The following SMYD3 variants were observed in gnomAD, a reference collection of about 807,000 sequenced individuals.
SMYD3 encodes the protein histone-lysine N-methyltransferase SMYD3.
SMYD3 carries 36 observed loss-of-function variants against 57.7 expected under a neutral mutation model. The ratio of observed to expected loss-of-function variants is 0.62; its 90% CI spans 0.48 to 0.82. The LOEUF is 0.82. SMYD3 is among the 40% of genes least tolerant of loss of function. The pLI, the probability that SMYD3 is intolerant of heterozygous loss-of-function variation, is 0.00. For missense variants in SMYD3, 515 were observed against 538.8 expected (o/e 0.96, Z 0.44); for synonymous variants, 211 against 195.0 (o/e 1.08, Z -0.68).
chr1:245,752,020 CCCT>C (rs2045405796), intron 11 of SMYD3, among the ~76,000 whole-genome samples: 1 of 152,204 alleles, frequency 6.6e-6, no homozygotes, highest in African/African-American at 2.4e-5. Flanking sequence ...CTCCACACTG[CCCT>C]GGATCCTCCG....
intron 8 of SMYD3, among the ~76,000 whole-genome samples, chr1:245,868,607 C>A (rs896758189): frequency 6.6e-6 from 1 of 152,166 alleles, no homozygotes; most frequent in Non-Finnish European, 1.5e-5. Context: ...TGATCCTAAG[C>A]CTTTATTTGC....
chr1:245,869,993 C>T (rs2052092219), intron 8 of SMYD3, among the ~76,000 whole-genome samples: 1 of 152,202 alleles, frequency 6.6e-6, no homozygotes, highest in Non-Finnish European at 1.5e-5. Context: ...GAATGGTTTC[C>T]TGGATTGCCT....
At chr1:245,793,081 C>A (rs755883914) in intron 10 of SMYD3, among the ~76,000 whole-genome samples, 8,551 of 62,286 alleles carry the variant, frequency 0.14, 327 homozygotes, top group Middle Eastern at 0.24. Flanking sequence ...GAGGCCGAGG[C>A]GGGTGATCAC....
At chr1:246,243,709 G>C (rs1222837633) in intron 5 of SMYD3, among the ~76,000 whole-genome samples, 6 of 151,798 alleles carry the variant, frequency 4.0e-5, no homozygotes, top group African/African-American at 1.5e-4. Context: ...CAAATGTTTT[G>C]TTATGAAATC....
chr1:246,469,055 A>G (rs1365819369), intron 1 of SMYD3, among the ~76,000 whole-genome samples: 1 of 152,152 alleles, frequency 6.6e-6, no homozygotes, highest in African/African-American at 2.4e-5. Flanking sequence ...GTACCTCCAC[A>G]TTCCATCACT....
Position 246,330,469 on chromosome 1 carries a change from CA to C in SMYD3, c.394+10del. The C allele has an allele frequency of 1.3e-6, 2 of 1,570,584 alleles. No homozygotes were observed. The highest frequency in any genetic ancestry group is 1.7e-6 in the Non-Finnish European group (2 of 1,161,718). On this transcript the variant is annotated intron_variant, in intron 4 of 11. Coordinates refer to ENST00000490107, the MANE Select transcript of SMYD3 (RefSeq NM_001167740.2). ...GAAACTTTTTTAAGATGCTGATAGACAATCACTTACTTGACTCCAGATCATA... is the reference window on the plus strand; with the variant it reads ...GAAACTTTTTTAAGATGCTGATAGACATCACTTACTTGACTCCAGATCATA...
At chr1:246,370,532 A>G (rs971423505) in intron 1 of SMYD3, among the ~76,000 whole-genome samples, 11 of 152,196 alleles carry the variant, frequency 7.2e-5, no homozygotes, top group Non-Finnish European at 1.5e-4. Flanking sequence ...CCTCCTCTGC[A>G]AAGTGGGAAT....
At position 246,506,989 on chromosome 1, in the gene SMYD3, G is replaced by GCC. The variant is rs1182642267; in HGVS notation, c.164+63_164+64dup. The GCC allele has an allele frequency of 3.2e-4, 210 of 650,268 alleles. 1 individual carries two copies. The highest frequency in any genetic ancestry group is 1.4e-3 in the African/African-American group (45 of 31,608). The allele number at this position is 650,268 out of a possible 1,614,324, so 40.3% of individuals were successfully genotyped here. A position where few individuals can be genotyped will look rare whatever the true frequency, so the allele number is the denominator to read the frequency against. ...GTCCCGCGGCTGCCGGCCGCCCGAC[G>GCC]CCCCCCCCTCCCCAGCACCCCACAC... On this transcript the variant is annotated intron_variant, in intron 1 of 11. Coordinates refer to ENST00000490107, the MANE Select transcript of SMYD3 (RefSeq NM_001167740.2).
chr1:245,766,512 C>T (rs2046111225), intron 10 of SMYD3, among the ~76,000 whole-genome samples: 1 of 151,418 alleles, frequency 6.6e-6, no homozygotes, highest in Non-Finnish European at 1.5e-5. Context: ...AGGGGTCAAT[C>T]ACTTTACCTC....
At chr1:246,427,159 A>G (rs2067230818) in intron 1 of SMYD3, among the ~76,000 whole-genome samples, 1 of 152,214 alleles carries the variant, frequency 6.6e-6, no homozygotes, top group Admixed American at 6.5e-5. Context: ...GAACACACTG[A>G]GTTTTCTAAG....
At chr1:246,339,023 T>C (rs1424791280) in intron 2 of SMYD3, among the ~76,000 whole-genome samples, 2 of 140,590 alleles carry the variant, frequency 1.4e-5, no homozygotes, top group Non-Finnish European at 2.9e-5. Flanking sequence ...AACTTGTTTA[T>C]AATTGTCTGA....
rs557489205 is a variant in SMYD3, at chr1:245,870,704, A to T, written c.814-6818T>A. Among the ~76,000 whole-genome samples, 555 of 152,352 alleles carry T rather than the reference A, an allele frequency of 3.6e-3. 5 individuals are homozygous for T. The highest frequency in any genetic ancestry group is 0.013 in the African/African-American group (528 of 41,586). ...GCTTCCTTTGGGTTTCGGAGTGGGAAGTTTACCTGCCAGATACCAGTAGTC... is the reference window on the plus strand; with the variant it reads ...GCTTCCTTTGGGTTTCGGAGTGGGATGTTTACCTGCCAGATACCAGTAGTC... On this transcript the variant is annotated intron_variant, in intron 8 of 11. Transcript: ENST00000490107.
intron 7 of SMYD3, among the ~76,000 whole-genome samples, chr1:245,921,560 TATATATATATAC>T (rs1211767214): frequency 1.3e-5 from 2 of 148,832 alleles, no homozygotes; most frequent in East Asian, 2.2e-4. Context: ...TATATATATA[TATATATATATAC>T]ACATACCATG....
chr1:246,015,106 C>A (rs755625885), intron 5 of SMYD3, among the ~76,000 whole-genome samples: 30 of 152,124 alleles, frequency 2.0e-4, no homozygotes, highest in Non-Finnish European at 3.4e-4. Context: ...CCGTTAAAAT[C>A]ATCCACACTT....
At chr1:245,911,418 T>A (rs1173339122) in intron 8 of SMYD3, among the ~76,000 whole-genome samples, 1 of 151,916 alleles carries the variant, frequency 6.6e-6, no homozygotes, top group East Asian at 1.9e-4. Flanking sequence ...TGCACTCCCA[T>A]GTTTATTGCT....
intron 1 of SMYD3, among the ~76,000 whole-genome samples, chr1:246,471,206 A>T (rs1426502156): frequency 6.6e-6 from 1 of 151,970 alleles, no homozygotes; most frequent in Admixed American, 6.6e-5. Context: ...TTTAATTTTT[A>T]TTTATTTTTT....
chr1:246,268,069 A>G (rs942088704), intron 5 of SMYD3, among the ~76,000 whole-genome samples: 3 of 152,190 alleles, frequency 2.0e-5, no homozygotes, highest in Non-Finnish European at 4.4e-5. Context: ...CGTGTGAACC[A>G]GAACAACTCC....
chr1:246,402,381 T>TTTTTTTTTTTTTTTTTTTTTTTTGAG (rs1239559421), intron 1 of SMYD3, among the ~76,000 whole-genome samples: 1 of 151,502 alleles, frequency 6.6e-6, no homozygotes, highest in Admixed American at 6.6e-5. Flanking sequence ...AACGCCATCT[T>TTTTTTTTTTTTTTTTTTTTTTTTGAG]AAAGATGATC....
At chr1:246,363,314 G>C (rs1444829799) in intron 1 of SMYD3, among the ~76,000 whole-genome samples, 2 of 148,150 alleles carry the variant, frequency 1.3e-5, no homozygotes, top group African/African-American at 5.0e-5. Context: ...TCAGCCCCCC[G>C]CCCGGCCAGC....
Sources: gnomAD v4.1 joint callset for allele counts (sites outside exome capture counted in the v4.1 genomes callset) on GRCh38, gnomAD v4.1.1 for gene constraint, MANE v1.5 for transcripts, NCBI Gene and HGNC (gene_info 2026-07-23, HGNC 2026-07-21) for gene names.